The following SIPA1L1 variants were observed in gnomAD, a reference collection of about 807,000 sequenced individuals.
SIPA1L1 encodes signal induced proliferation associated 1 like 1, also known as signal-induced proliferation-associated 1-like protein 1.
A neutral mutation model predicts 162.7 loss-of-function variants in SIPA1L1; 26 were observed. The observed-to-expected ratio is 0.16, with a 90% CI of 0.12 to 0.22. SIPA1L1 has a LOEUF of 0.22. SIPA1L1 is among the 10% of genes least tolerant of loss of function. The pLI is 1.00. For missense variants in SIPA1L1, 1,874 were observed against 2,241.0 expected, an observed-to-expected ratio of 0.84 and a Z score of 3.31; for synonymous variants, 829 against 837.4, an observed-to-expected ratio of 0.99 and a Z score of 0.17.
chr14:71,447,356 G>A (rs1230418351), intron 2 of SIPA1L1, among the ~76,000 whole-genome samples: 1 of 152,098 alleles, frequency 6.6e-6, no homozygotes, highest in African/African-American at 2.4e-5. Context: ...TTTGCTGTGG[G>A]ACCCCTAACA....
chr14:71,375,796 A>C (rs2039319962), intron 2 of SIPA1L1, among the ~76,000 whole-genome samples: 1 of 152,122 alleles, frequency 6.6e-6, no homozygotes, highest in Non-Finnish European at 1.5e-5. Flanking sequence ...GGATTTTGTC[A>C]AATACCTTTT....
intron 5 of SIPA1L1, among the ~76,000 whole-genome samples, chr14:71,610,176 T>C (rs2038044172): frequency 6.6e-6 from 1 of 152,208 alleles, no homozygotes; most frequent in Admixed American, 6.5e-5. Flanking sequence ...ATATTGTTTG[T>C]TGTCTGCATT....
intron 17 of SIPA1L1, among the ~76,000 whole-genome samples, chr14:71,721,947 G>A (rs1395851156): frequency 1.3e-5 from 2 of 152,224 alleles, no homozygotes; most frequent in Non-Finnish European, 2.9e-5. Flanking sequence ...CTCCCACTCT[G>A]GCTGAGAATT....
At chr14:71,388,621 G>T (rs764629270) in intron 2 of SIPA1L1, among the ~76,000 whole-genome samples, 3 of 152,198 alleles carry the variant, frequency 2.0e-5, no homozygotes, top group Non-Finnish European at 4.4e-5. Context: ...CTTAGGATCC[G>T]CATGGATAGA....
intron 4 of SIPA1L1, among the ~76,000 whole-genome samples, chr14:71,570,983 C>T (rs369974325): frequency 1.3e-4 from 19 of 151,886 alleles, no homozygotes; most frequent in East Asian, 3.9e-4. Flanking sequence ...TTAGTAGAGG[C>T]GGGGTTTCAC....
At chr14:71,463,275 T>C (rs1179755777) in intron 2 of SIPA1L1, among the ~76,000 whole-genome samples, 1 of 152,198 alleles carries the variant, frequency 6.6e-6, no homozygotes, top group African/African-American at 2.4e-5. Context: ...GGAGCCAATC[T>C]GGGGGTTCTA....
intron 22 of SIPA1L1, 39 bp from the exon 23 acceptor site, chr14:71,738,202 A>T: frequency 1.5e-4 from 115 of 777,962 alleles, no homozygotes; most frequent in Middle Eastern, 3.3e-4. Flanking sequence ...CCAGCCATGG[A>T]GGCCCCTGCC....
intron 2 of SIPA1L1, among the ~76,000 whole-genome samples, chr14:71,468,005 G>GGTGTGTGTGTGTGTGTGT (rs56265408): frequency 4.9e-5 from 7 of 141,598 alleles, no homozygotes; most frequent in South Asian, 2.3e-4. Context: ...CAGTTAGAGG[G>GGTGTGTGTGTGTGTGTGT]GTGTGTGTGT....
chr14:71,714,479 T>C (rs980213638), intron 17 of SIPA1L1, among the ~76,000 whole-genome samples: 2 of 152,234 alleles, frequency 1.3e-5, no homozygotes, highest in Admixed American at 6.5e-5. Flanking sequence ...AGAGAGCCCA[T>C]TCTTCGTCAT....
chr14:71,708,026 TTTG>T (rs1241812763), intron 16 of SIPA1L1, among the ~76,000 whole-genome samples: 63 of 124,010 alleles, frequency 5.1e-4, no homozygotes, highest in Non-Finnish European at 8.6e-4. Context: ...TTTTTTTTTT[TTTG>T]TTTTTTTTTT....
At chr14:71,732,479 T>G (rs1289062857) in intron 20 of SIPA1L1, among the ~76,000 whole-genome samples, 1 of 152,164 alleles carries the variant, frequency 6.6e-6, no homozygotes, top group Non-Finnish European at 1.5e-5. Flanking sequence ...CAGCCCGCCC[T>G]TCCTGTTATC....
At chr14:71,580,992 GTCTA>G (rs1382609608) in intron 4 of SIPA1L1, among the ~76,000 whole-genome samples, 4 of 151,972 alleles carry the variant, frequency 2.6e-5, no homozygotes, top group Non-Finnish European at 5.9e-5. Flanking sequence ...CTGTCTATCT[GTCTA>G]TCTATAACAT....
At chr14:71,698,185 A>G (rs2081800430) in intron 13 of SIPA1L1, among the ~76,000 whole-genome samples, 1 of 152,254 alleles carries the variant, frequency 6.6e-6, no homozygotes, top group Non-Finnish European at 1.5e-5. Context: ...CACAACTGTC[A>G]GCACAGCGTC....
At chr14:71,702,280 T>TG (rs1380756455) in intron 14 of SIPA1L1, 101 bp from the exon 15 acceptor site, 3 of 1,268,128 alleles carry the variant, frequency 2.4e-6, no homozygotes, top group Admixed American at 3.8e-5. Context: ...CAAAAACCAG[T>TG]AGTGCCTGTC....
At chr14:71,396,668 A>G (rs1405645366) in intron 2 of SIPA1L1, among the ~76,000 whole-genome samples, 1 of 152,160 alleles carries the variant, frequency 6.6e-6, no homozygotes, top group African/African-American at 2.4e-5. Flanking sequence ...TTTGCTCTTA[A>G]GCATTAACCC....
chr14:71,539,252 G>A (rs1471506525), intron 4 of SIPA1L1, among the ~76,000 whole-genome samples: 1 of 152,176 alleles, frequency 6.6e-6, no homozygotes, highest in Non-Finnish European at 1.5e-5. Context: ...AGCTGTAGAA[G>A]TGTCAGAAAT....
intron 2 of SIPA1L1, among the ~76,000 whole-genome samples, chr14:71,439,369 A>C (rs1379654838): frequency 2.6e-5 from 4 of 152,234 alleles, no homozygotes; most frequent in African/African-American, 7.2e-5. Flanking sequence ...TAGGTGGAGC[A>C]TTCTGTGTTT....
chr14:71,437,835 A>G (rs2044517231), intron 2 of SIPA1L1, among the ~76,000 whole-genome samples: 1 of 152,224 alleles, frequency 6.6e-6, no homozygotes, highest in Non-Finnish European at 1.5e-5. Context: ...ACAGTAGGTA[A>G]AAGTTTAGAG....
At chr14:71,690,792 C>A (rs926815222) in intron 13 of SIPA1L1, among the ~76,000 whole-genome samples, 4 of 152,246 alleles carry the variant, frequency 2.6e-5, no homozygotes, top group African/African-American at 9.6e-5. Context: ...ACTTGAGCAA[C>A]CTCAACTGTC....
Sources: gnomAD v4.1 joint callset for allele counts (sites outside exome capture counted in the v4.1 genomes callset) on GRCh38, gnomAD v4.1.1 for gene constraint, MANE v1.5 for transcripts, NCBI Gene and HGNC (gene_info 2026-07-23, HGNC 2026-07-21) for gene names.